TSPAN7: variants seen among roughly 807,000 people sequenced by gnomAD.
TSPAN7 encodes the protein tetraspanin-7.
A neutral mutation model predicts 17.6 loss-of-function variants in TSPAN7; 1 was observed. That is an observed-to-expected ratio of 0.06 (90% CI 0.02 to 0.27). The LOEUF (loss-of-function observed/expected upper bound fraction) is 0.27. TSPAN7 is among the 10% of genes least tolerant of loss of function. The pLI, the probability that TSPAN7 is intolerant of heterozygous loss-of-function variation, is 1.00. For synonymous variants in TSPAN7, 78 were observed against 79.0 expected, an observed-to-expected ratio of 0.99 and a Z score of 0.07; for missense variants, 112 against 201.7, an observed-to-expected ratio of 0.56 and a Z score of 2.69.
intron 1 of TSPAN7, among the ~76,000 whole-genome samples, chrX:38,604,692 A>G (rs1212633547): frequency 9.0e-6 from 1 of 111,237 alleles, no homozygotes; most frequent in Non-Finnish European, 1.9e-5. Flanking sequence ...CCAGCAGCAC[A>G]TCAAAAAGCT....
chrX:38,579,103 T>C (rs187602343), intron 1 of TSPAN7, among the ~76,000 whole-genome samples: 11 of 111,864 alleles, frequency 9.8e-5, no homozygotes, highest in Non-Finnish European at 9.4e-5. Context: ...CCTTCTTTTA[T>C]ATATAACATG....
intron 1 of TSPAN7, among the ~76,000 whole-genome samples, chrX:38,582,100 G>A (rs961334442): frequency 8.9e-6 from 1 of 112,199 alleles, no homozygotes; most frequent in Non-Finnish European, 1.9e-5. Context: ...GACCAGTCAC[G>A]TATACTGCCT....
At chrX:38,675,346 G>A (rs757658342) in intron 4 of TSPAN7, among the ~76,000 whole-genome samples, 2 of 112,076 alleles carry the variant, frequency 1.8e-5, no homozygotes, top group Admixed American at 1.9e-4. Context: ...ATATCCCAGG[G>A]GAGAGTTTTT....
chrX:38,636,119 T>C (rs1461851841), intron 1 of TSPAN7, among the ~76,000 whole-genome samples: 1 of 107,712 alleles, frequency 9.3e-6, no homozygotes, highest in Non-Finnish European at 1.9e-5. Context: ...TTGCAAAACA[T>C]AAGGGGGCTA....
At chrX:38,596,242 A>G (rs1415559282) in intron 1 of TSPAN7, among the ~76,000 whole-genome samples, 1 of 111,559 alleles carries the variant, frequency 9.0e-6, no homozygotes, top group Non-Finnish European at 1.9e-5. Context: ...AGCATTCTGT[A>G]TCTTTCAGAT....
intron 1 of TSPAN7, among the ~76,000 whole-genome samples, chrX:38,647,987 C>T (rs1229474182): frequency 9.0e-6 from 1 of 111,460 alleles, no homozygotes; most frequent in Non-Finnish European, 1.9e-5. Context: ...ATGACTTGGC[C>T]TATGATTAAG....
At chrX:38,677,362 T>C (rs2069861224) in intron 5 of TSPAN7, among the ~76,000 whole-genome samples, 1 of 112,584 alleles carries the variant, frequency 8.9e-6, no homozygotes, top group East Asian at 2.8e-4. Flanking sequence ...TTAACTGTAA[T>C]ACAAATGATG....
intron 1 of TSPAN7, among the ~76,000 whole-genome samples, chrX:38,569,403 C>A (rs1457580771): frequency 9.6e-6 from 1 of 104,559 alleles, no homozygotes; most frequent in African/African-American, 3.5e-5. Flanking sequence ...TTATATTCCC[C>A]AGTTCAGGGA....
At chrX:38,643,489 A>C (rs2069626139) in intron 1 of TSPAN7, among the ~76,000 whole-genome samples, 1 of 109,881 alleles carries the variant, frequency 9.1e-6, no homozygotes, top group Admixed American at 9.7e-5. Context: ...GTGTGACAGG[A>C]AAAAGATCAG....
At chrX:38,589,112 C>T (rs1025878404) in intron 1 of TSPAN7, among the ~76,000 whole-genome samples, 2 of 111,817 alleles carry the variant, frequency 1.8e-5, no homozygotes, top group Non-Finnish European at 3.8e-5. Context: ...TTCAGAATTT[C>T]TATTTGGTAT....
intron 1 of TSPAN7, among the ~76,000 whole-genome samples, chrX:38,627,015 A>G (rs2069526571): frequency 8.9e-6 from 1 of 111,833 alleles, no homozygotes; most frequent in Admixed American, 9.5e-5. Flanking sequence ...AGACAGAGAC[A>G]AGAATGAAAG....
At chrX:38,629,725 T>A (rs758216459) in intron 1 of TSPAN7, among the ~76,000 whole-genome samples, 5 of 111,611 alleles carry the variant, frequency 4.5e-5, no homozygotes, top group Non-Finnish European at 7.5e-5. Context: ...TAACATTGCA[T>A]GTATATGTAG....
At chrX:38,595,994 C>G (rs1358612399) in intron 1 of TSPAN7, among the ~76,000 whole-genome samples, 3 of 111,703 alleles carry the variant, frequency 2.7e-5, no homozygotes, top group Non-Finnish European at 5.7e-5. Context: ...TCAAACTGCT[C>G]TTCTTGCTGG....
intron 1 of TSPAN7, among the ~76,000 whole-genome samples, chrX:38,561,958 G>A (rs2069113896): frequency 8.9e-6 from 1 of 112,657 alleles, no homozygotes; most frequent in Non-Finnish European, 1.9e-5. Flanking sequence ...GAAAGTTGCG[G>A]GTTTATTCGT....
At chrX:38,565,762 A>G (rs772551641) in intron 1 of TSPAN7, among the ~76,000 whole-genome samples, 1 of 112,138 alleles carries the variant, frequency 8.9e-6, no homozygotes, top group South Asian at 3.7e-4. Context: ...TTATTGTTTT[A>G]TCTGGCTTTC....
intron 1 of TSPAN7, among the ~76,000 whole-genome samples, chrX:38,641,693 G>T (rs949135252): frequency 9.0e-6 from 1 of 111,488 alleles, no homozygotes; most frequent in East Asian, 2.8e-4. Context: ...TAATTTTCAC[G>T]GTGCTTTCCC....
chrX:38,566,485 G>A, intron 1 of TSPAN7: 2 of 384,106 alleles, frequency 5.2e-6, no homozygotes, highest in Admixed American at 1.3e-4. Context: ...CTACTCTTGG[G>A]CTCAGTTATT....
chrX:38,615,720 T>G (rs1305767635), intron 1 of TSPAN7, among the ~76,000 whole-genome samples: 2 of 112,667 alleles, frequency 1.8e-5, no homozygotes, highest in Non-Finnish European at 3.7e-5. Context: ...TAAAATATTT[T>G]ATTTTTAACA....
intron 1 of TSPAN7, among the ~76,000 whole-genome samples, chrX:38,607,611 C>A (rs2069390820): frequency 9.0e-6 from 1 of 111,380 alleles, no homozygotes; most frequent in Non-Finnish European, 1.9e-5. Context: ...GCTGGTAGAC[C>A]AGTGAGCACA....
Sources: gnomAD v4.1 joint callset for allele counts (sites outside exome capture counted in the v4.1 genomes callset) on GRCh38, gnomAD v4.1.1 for gene constraint, MANE v1.5 for transcripts, NCBI Gene and HGNC (gene_info 2026-07-23, HGNC 2026-07-21) for gene names.